MICALL2: variants seen among roughly 807,000 people sequenced by gnomAD.
MICALL2 encodes MICAL-like protein 2.
Under a neutral mutation model 91.1 loss-of-function variants are expected in MICALL2, and 111 were observed. The ratio of observed to expected loss-of-function variants is 1.22; its 90% CI spans 1.04 to 1.43. The LOEUF (loss-of-function observed/expected upper bound fraction) is 1.43. Ranked by LOEUF, MICALL2 falls within the 40% of genes most tolerant of loss-of-function variation. The probability of loss-of-function intolerance (pLI) is 0.00; values close to 1 mark genes in which losing one functional copy is unlikely to be tolerated. For synonymous variants in MICALL2, 694 were observed against 525.3 expected (o/e 1.32, Z -4.39); for missense variants, 1,556 against 1,236.0 (o/e 1.26, Z -3.88).
At position 1,451,082 on chromosome 7, in the gene MICALL2, G is replaced by A. The variant is rs1780809602; in HGVS notation, c.144-794C>T. Among the ~76,000 whole-genome samples, 1 of 152,110 alleles carries A rather than the reference G, an allele frequency of 6.6e-6. No individual in the cohort carries two copies. Among genetic ancestry groups the A allele is most frequent in the Admixed American group, 6.6e-5 (1 of 15,260 alleles). On this transcript the variant is annotated intron_variant, in intron 1 of 16. Coordinates refer to ENST00000297508, the MANE Select transcript of MICALL2 (RefSeq NM_182924.4). This position sits in a 1 kb window ranked among gnomAD's most constrained non-coding sequence, Gnocchi z 4.5. The stretch of plus-strand genomic sequence containing the variant: ...TTCCCAGGTGCTCAGCGAGGGCCCA[G>A]CCTCACCCCTGACTCGCACACTACA...
chr7:1,449,223 T>TCCAGCCCAGCAGCCGCTGG (rs1226595749), intron 2 of MICALL2, among the ~76,000 whole-genome samples: 88 of 152,346 alleles, frequency 5.8e-4, no homozygotes, highest in African/African-American at 1.9e-3. Context: ...GCCCACGCCG[T>TCCAGCCCAGCAGCCGCTGG]CCAGCCCAGC....
intron 6 of MICALL2, among the ~76,000 whole-genome samples, chr7:1,442,716 C>T (rs1780365896): frequency 6.6e-6 from 1 of 151,996 alleles, no homozygotes; most frequent in South Asian, 2.1e-4. Flanking sequence ...AGCTCGCTCC[C>T]AATGACCACC....
rs1584206934 is a variant in MICALL2, at chr7:1,440,689, G to A, written c.1712-5C>T. On this transcript the variant is annotated splice_region_variant and splice_polypyrimidine_tract_variant and intron_variant, in intron 7 of 16. Transcript: ENST00000297508. ...CCTGGAGGCTGGTGCTCATGTCTGGGTGGGAGGCAAGGGGTCTGGGTGTGA... is the reference window on the plus strand; with the variant it reads ...CCTGGAGGCTGGTGCTCATGTCTGGATGGGAGGCAAGGGGTCTGGGTGTGA... The A allele has an allele frequency of 1.9e-6, 3 of 1,610,494 alleles. No homozygotes were observed. The highest frequency in any genetic ancestry group is 4.5e-5 in the East Asian group (2 of 44,874).
rs781357571 is a variant in MICALL2 at position 1,447,709 on chromosome 7, C to A, written c.391G>T (p.Gly131Trp). 6.3e-7 allele frequency: 1 copy of A among 1,577,028 alleles called. No individual in the cohort carries two copies. Among genetic ancestry groups the A allele is most frequent in the Admixed American group, 1.8e-5 (1 of 54,862 alleles). Reference sequence around the variant, plus strand: ...GCCGCCTGGACTGGAGCCTTCTTCCCTGACGGCTCCTCCTCAGAGTCCTCC... The same window carrying A: ...GCCGCCTGGACTGGAGCCTTCTTCCATGACGGCTCCTCCTCAGAGTCCTCC... ...ASEDSEEEPS[G>W]KKAPVQAAKL... Residue 131 changes from glycine to tryptophan, a missense_variant, in exon 4 of 17, where the codon GGG becomes TGG. By Grantham distance (184) the Gly-to-Trp change is radical. Transcript: ENST00000297508.
chr7:1,459,332 C>A lies in MICALL2; in HGVS notation c.-6G>T. 1 of 1,474,162 alleles carries A rather than the reference C, an allele frequency of 6.8e-7. No individual in the cohort carries two copies. Among genetic ancestry groups the A allele is most frequent in the Non-Finnish European group, 9.0e-7 (1 of 1,109,906 alleles). The allele number at this position is 1,474,162 out of a possible 1,614,324, so 91.3% of individuals were successfully genotyped here. On this transcript the variant is annotated 5_prime_UTR_variant, in exon 1 of 17. Transcript: ENST00000297508. Reference sequence around the variant, plus strand: ...AGCGCCCTGATGGCCGCCATGTGGGCGGCGCGCCCGCCGCGCGGCGGAACC... The same window carrying A: ...AGCGCCCTGATGGCCGCCATGTGGGAGGCGCGCCCGCCGCGCGGCGGAACC...
Position 1,442,255 on chromosome 7 carries a change from C to G in MICALL2, c.1648G>C (p.Ala550Pro). The change falls in exon 7 of 17, where the codon GCT becomes CCT. Residue 550 changes from alanine (A) to proline (P), a missense_variant. Ala to Pro is a conservative substitution (Grantham distance 27). Coordinates refer to ENST00000297508, the MANE Select transcript of MICALL2 (RefSeq NM_182924.4). ...GCCTCTGGCTTCGGCCTGGAGCCAGCACCCACCCTGCCGACCCCTGAGGAT... is the reference window on the plus strand; with the variant it reads ...GCCTCTGGCTTCGGCCTGGAGCCAGGACCCACCCTGCCGACCCCTGAGGAT... ...AESSGVGRVG[A>P]GSRPKPEAPM... The G allele has an allele frequency of 1.2e-6, 2 of 1,612,866 alleles. No individual in the cohort carries two copies. The highest frequency in any genetic ancestry group is 1.7e-6 in the Non-Finnish European group (2 of 1,179,926).
Position 1,442,470 on chromosome 7 carries a change from G to A in MICALL2, c.1433C>T (p.Thr478Ile), listed in dbSNP as rs759803777. The A allele has an allele frequency of 7.2e-6, 11 of 1,533,234 alleles. No individual in the cohort carries two copies. Among genetic ancestry groups the A allele is most frequent in the Admixed American group, 6.1e-5 (3 of 49,258 alleles). 95.0% of individuals were successfully genotyped at this position (1,533,234 alleles called of 1,614,324 possible). A position where few individuals can be genotyped will look rare whatever the true frequency, so the allele number is the denominator to read the frequency against. ...GGGCTGAGAACTGGGAACAGCGGCA[G>A]TGGCTGGGGAGGGCCTATAAGTAAA... is the stretch of plus-strand genomic sequence containing the variant. The part of the protein sequence containing the change: ...APAPGRPSPA[T>I]AAVPSSQPKT... Residue 478 changes from threonine (T) to isoleucine (I), a missense_variant, in exon 7 of 17, where the codon ACT becomes ATT. Thr to Ile is a moderately conservative substitution (Grantham distance 89, BLOSUM62 -1). Coordinates refer to ENST00000297508, the MANE Select transcript of MICALL2 (RefSeq NM_182924.4).
At chr7:1,450,562 C>T (rs1780789341) in intron 1 of MICALL2, 5 of 421,642 alleles carry the variant, frequency 1.2e-5, no homozygotes, top group Non-Finnish European at 2.2e-5. Context: ...GTGCTCCTGC[C>T]ACAGTCAGAG....
rs1360493007 is a variant in MICALL2 at position 1,450,291 on chromosome 7, GGAAGATAAAAACAT to G, written c.144-17_144-4del. On this transcript the variant is annotated splice_region_variant and splice_polypyrimidine_tract_variant and intron_variant, in intron 1 of 16. Transcript: ENST00000297508. ...CCTTCTTGAGAGCACTGAAGTTTCT[GGAAGATAAAAACAT>G]GATGTCCAAAGCAGCTCAGAGTCCA... The G allele has an allele frequency of 6.2e-7, 1 of 1,612,602 alleles. No individual in the cohort carries two copies. The highest frequency in any genetic ancestry group is 1.1e-5 in the South Asian group (1 of 91,068).
Position 1,442,491 on chromosome 7 carries a change from G to C in MICALL2, c.1419-7C>G, listed in dbSNP as rs1379218307. On this transcript the variant is annotated splice_polypyrimidine_tract_variant and splice_region_variant and intron_variant, in intron 6 of 16. Coordinates refer to ENST00000297508, the MANE Select transcript of MICALL2 (RefSeq NM_182924.4). Reference sequence around the variant, plus strand: ...GGCAGTGGCTGGGGAGGGCCTATAAGTAAAAGCGCAGGCATCAGGCACAGC... The same window carrying C: ...GGCAGTGGCTGGGGAGGGCCTATAACTAAAAGCGCAGGCATCAGGCACAGC... The C allele has an allele frequency of 4.6e-6, 7 of 1,523,492 alleles. No individual in the cohort carries two copies. The highest frequency in any genetic ancestry group is 6.2e-6 in the Non-Finnish European group (7 of 1,135,610). The allele number at this position is 1,523,492 out of a possible 1,614,324, so 94.4% of individuals were successfully genotyped here. A position where few individuals can be genotyped will look rare whatever the true frequency, so the allele number is the denominator to read the frequency against.
At chr7:1,437,423 G>C in intron 14 of MICALL2, 112 bp downstream of exon 14, 1 of 955,428 alleles carries the variant, frequency 1.0e-6, no homozygotes, top group Non-Finnish European at 1.5e-6. Context: ...TGGCTCCAGG[G>C]AAGGTCTCAC....
intron 9 of MICALL2, chr7:1,439,639 G>A (rs893668000): frequency 7.3e-5 from 26 of 355,260 alleles, no homozygotes; most frequent in Admixed American, 4.3e-4. Context: ...ACATGGACAT[G>A]CATCACGTGC....
At position 1,436,806 on chromosome 7, in the gene MICALL2, G is replaced by C; in HGVS notation, c.2527C>G (p.Gln843Glu). ...ERRREQELLE[Q>E]YVSTVNDRSD... is the part of the protein sequence containing the mutation. ...CGGTCGTTCACGGTGCTCACGTACT[G>C]CTCCAGCAGCTCCTGCTCCCGCCGC... Residue 843 changes from glutamine to glutamate, a missense_variant, in exon 15 of 17, where the codon CAG (glutamine) becomes GAG (glutamate). By Grantham distance (29) the Gln-to-Glu change is conservative (BLOSUM62 2). Transcript: ENST00000297508. 6.2e-7 allele frequency: 1 copy of C among 1,607,052 alleles called. No homozygotes were observed. The highest frequency in any genetic ancestry group is 8.5e-7 in the Non-Finnish European group (1 of 1,177,934).
chr7:1,438,480 C>G, intron 10 of MICALL2, 127 bp from the exon 11 acceptor site: 3 of 1,483,328 alleles, frequency 2.0e-6, no homozygotes, highest in Non-Finnish European at 1.8e-6. Flanking sequence ...CCTAATGCCC[C>G]ACACGCCCAC....
chr7:1,447,600 C>A lies in MICALL2; in HGVS notation c.500G>T (p.Gly167Val), dbSNP rs932935851. The stretch of plus-strand genomic sequence containing the variant: ...AGTCTTGGGGGGCGGGCCCCCTGCA[C>A]CCTCATTCCTCCTCTGGACCACAGG... ...TNPVVQRRNE[G>V]AGGPPPKTDQ... Residue 167 changes from glycine to valine, a missense_variant, in exon 4 of 17, where the codon GGT becomes GTT. By Grantham distance (109) the Gly-to-Val change is moderately radical (BLOSUM62 -3). Transcript: ENST00000297508. The A allele has an allele frequency of 6.3e-7, 1 of 1,587,162 alleles. No individual in the cohort carries two copies. Among genetic ancestry groups the A allele is most frequent in the Non-Finnish European group, 8.6e-7 (1 of 1,167,364 alleles).
In MICALL2 at chr7:1,445,156, T is replaced by G; in HGVS notation, c.914A>C (p.Asn305Thr). 1 of 1,575,784 alleles carries G rather than the reference T, an allele frequency of 6.3e-7. No individual in the cohort carries two copies. The highest frequency in any genetic ancestry group is 8.6e-7 in the Non-Finnish European group (1 of 1,161,866). ...GGACGTGGCGCTGGTGGCTGCAGGG[T>G]TGGGTGCAGCTGGAACGGAAGCCCT... ...PARASVPAAP[N>T]PAATSATSVH... The change falls in exon 6 of 17, where the codon AAC becomes ACC. Residue 305 changes from asparagine (N) to threonine (T), a missense_variant. By Grantham distance (65) the Asn-to-Thr change is moderately conservative. Transcript: ENST00000297508.
intron 2 of MICALL2, among the ~76,000 whole-genome samples, chr7:1,449,913 C>T (rs752928965): frequency 2.6e-5 from 4 of 151,518 alleles, no homozygotes; most frequent in Admixed American, 2.0e-4. Flanking sequence ...CACAGCCACC[C>T]CCAGACCCTT....
chr7:1,438,459 A>G, intron 10 of MICALL2, 106 bp from the exon 11 acceptor site: 1 of 1,501,540 alleles, frequency 6.7e-7, no homozygotes, highest in Non-Finnish European at 8.9e-7. Flanking sequence ...AGCTGGCCCC[A>G]GCCCTGCCTC....
At chr7:1,434,977 C>CG in intron 16 of MICALL2, 124 bp downstream of exon 16, 1 of 730,704 alleles carries the variant, frequency 1.4e-6, no homozygotes. Context: ...GGGGGGGACC[C>CG]GATACCCGCC....
Sources: allele counts gnomAD v4.1 joint callset (sites outside exome capture counted in the v4.1 genomes callset), GRCh38; gene constraint gnomAD v4.1.1; non-coding constraint Gnocchi (gnomAD v3.1); transcripts MANE v1.5; gene names NCBI Gene and HGNC (gene_info 2026-07-23, HGNC 2026-07-21).